The following LAMA2 variants were observed in gnomAD, a reference collection of about 807,000 sequenced individuals.
LAMA2 encodes the protein laminin subunit alpha 2, also known as laminin subunit alpha-2.
A neutral mutation model predicts 364.8 loss-of-function variants in LAMA2; 269 were observed. The ratio of observed to expected loss-of-function variants is 0.74; its 90% confidence interval spans 0.67 to 0.82. LAMA2 has a LOEUF of 0.82. Ranked by LOEUF, LAMA2 falls within the 40% of genes least tolerant of loss-of-function variation. The pLI is 0.00. For missense variants in LAMA2, 3,807 were observed against 3,873.2 expected (o/e 0.98, Z 0.45); for synonymous variants, 1,379 against 1,370.6 (o/e 1.01, Z -0.14).
chr6:129,130,180 A>G (rs943904859), intron 4 of LAMA2, among the ~76,000 whole-genome samples: 1 of 152,196 alleles, frequency 6.6e-6, no homozygotes, highest in African/African-American at 2.4e-5. Context: ...TTTTCAGAAA[A>G]ACCTGCAAAC....
chr6:129,221,692 A>C (rs1423666350), intron 12 of LAMA2, among the ~76,000 whole-genome samples: 1 of 152,196 alleles, frequency 6.6e-6, no homozygotes, highest in Non-Finnish European at 1.5e-5. Context: ...ATTATCTTTT[A>C]AAGTTTAATA....
At chr6:129,497,182 G>T (rs2114872089) in intron 58 of LAMA2, among the ~76,000 whole-genome samples, 1 of 151,980 alleles carries the variant, frequency 6.6e-6, no homozygotes, top group South Asian at 2.1e-4. Flanking sequence ...GTAATGATGT[G>T]GTTATTAAAT....
chr6:129,197,392 A>G (rs73773699), intron 12 of LAMA2, among the ~76,000 whole-genome samples: 4,292 of 152,278 alleles, frequency 0.028, 197 homozygotes, highest in African/African-American at 0.097. Context: ...TCTTAACTCA[A>G]GCTGACTTCA....
chr6:129,179,570 A>G (rs1232218274), intron 10 of LAMA2, among the ~76,000 whole-genome samples: 1 of 152,188 alleles, frequency 6.6e-6, no homozygotes, highest in Non-Finnish European at 1.5e-5. Context: ...TCAATATTGT[A>G]CTGAGAATTA....
chr6:128,937,571 A>C (rs1779903737), intron 1 of LAMA2, among the ~76,000 whole-genome samples: 2 of 151,840 alleles, frequency 1.3e-5, no homozygotes, highest in African/African-American at 4.8e-5. Context: ...CTTGTAGGTT[A>C]TTGTATTTAT....
chr6:129,362,480 C>T (rs139493391), intron 32 of LAMA2, among the ~76,000 whole-genome samples: 11 of 152,226 alleles, frequency 7.2e-5, no homozygotes, highest in Non-Finnish European at 1.3e-4. Flanking sequence ...ATTTCATGTA[C>T]TTGGGCACAT....
chr6:129,223,138 C>T (rs933613919), intron 12 of LAMA2, among the ~76,000 whole-genome samples: 3 of 152,174 alleles, frequency 2.0e-5, no homozygotes, highest in African/African-American at 7.2e-5. Context: ...GCATCAGTGT[C>T]TTCTTTTGAG....
rs546604531 is a variant in LAMA2, at chr6:129,468,499, T to C, written c.7300+3210T>C. 3.3e-5 allele frequency among the ~76,000 whole-genome samples: 5 copies of C among 151,928 alleles called. No individual in the cohort carries two copies. The East Asian group carries it at 5.8e-4, about 18-fold the overall frequency. Reference sequence around the variant, plus strand: ...GTTAATATGTATTAATTTTTCCTTATAAAAAGAAAAGCATCGAAGCTGCAA... The same window carrying C: ...GTTAATATGTATTAATTTTTCCTTACAAAAAGAAAAGCATCGAAGCTGCAA... On this transcript the variant is annotated intron_variant, in intron 51 of 64. Transcript: ENST00000421865.
intron 7 of LAMA2, among the ~76,000 whole-genome samples, chr6:129,151,457 G>T (rs1255339977): frequency 1.3e-5 from 2 of 152,166 alleles, no homozygotes; most frequent in African/African-American, 2.4e-5. Flanking sequence ...AGAAGCTATG[G>T]TGGGAGGATC....
At chr6:129,169,821 T>A (rs1191444313) in intron 9 of LAMA2, among the ~76,000 whole-genome samples, 2 of 144,122 alleles carry the variant, frequency 1.4e-5, no homozygotes, top group African/African-American at 2.7e-5. Context: ...AAGCTATTGA[T>A]TATTGCCACA....
chr6:128,898,935 T>C (rs1363192789), intron 1 of LAMA2, among the ~76,000 whole-genome samples: 1 of 152,148 alleles, frequency 6.6e-6, no homozygotes, highest in Non-Finnish European at 1.5e-5. Context: ...CTGATGGCTG[T>C]CTCCTTCTCA....
chr6:129,269,495 GTTAT>G (rs879518974), intron 16 of LAMA2, among the ~76,000 whole-genome samples: 2 of 151,416 alleles, frequency 1.3e-5, no homozygotes, highest in Non-Finnish European at 1.5e-5. Context: ...AGAACTACAT[GTTAT>G]TTGTCTTTTA....
chr6:129,053,059 T>C (rs1336643256), intron 2 of LAMA2, among the ~76,000 whole-genome samples: 2 of 152,128 alleles, frequency 1.3e-5, no homozygotes, highest in African/African-American at 4.8e-5. Context: ...CTGGTTAATT[T>C]CTTTCTTTTT....
intron 41 of LAMA2, among the ~76,000 whole-genome samples, chr6:129,429,076 T>G (rs1781464906): frequency 6.6e-6 from 1 of 152,184 alleles, no homozygotes; most frequent in Non-Finnish European, 1.5e-5. Flanking sequence ...GCCCCATCCT[T>G]CACCTCTCTT....
intron 31 of LAMA2, among the ~76,000 whole-genome samples, chr6:129,350,094 TG>T (rs1247078548): frequency 6.6e-6 from 1 of 152,212 alleles, no homozygotes; most frequent in Non-Finnish European, 1.5e-5. Context: ...ATATATTTTC[TG>T]TAAGATCAGT....
intron 30 of LAMA2, among the ~76,000 whole-genome samples, chr6:129,346,125 C>T (rs6936981): frequency 0.23 from 34,845 of 152,062 alleles, 4,920 homozygotes; most frequent in East Asian, 0.48. Flanking sequence ...ACTCTTATGA[C>T]GGAGTGGCAG....
intron 36 of LAMA2, 139 bp from the exon 37 acceptor site, chr6:129,392,906 C>T: frequency 1.5e-6 from 1 of 662,900 alleles, no homozygotes; most frequent in South Asian, 2.1e-5. Flanking sequence ...ATTTAGCACA[C>T]AGTGAATCTA....
At chr6:129,156,171 AAT>A (rs1277865887) in intron 8 of LAMA2, among the ~76,000 whole-genome samples, 1 of 151,122 alleles carries the variant, frequency 6.6e-6, no homozygotes, top group East Asian at 1.9e-4. Context: ...GTATATATAT[AAT>A]ATATATATAC....
intron 1 of LAMA2, among the ~76,000 whole-genome samples, chr6:128,952,688 GATTTCTTCC>G (rs1432398952): frequency 1.3e-5 from 2 of 152,050 alleles, no homozygotes; most frequent in Non-Finnish European, 2.9e-5. Flanking sequence ...AACACTGTTG[GATTTCTTCC>G]ATGTACTGTC....
Sources: allele counts gnomAD v4.1 joint callset (sites outside exome capture counted in the v4.1 genomes callset), GRCh38; gene constraint gnomAD v4.1.1; transcripts MANE v1.5; gene names NCBI Gene and HGNC (gene_info 2026-07-23, HGNC 2026-07-21).